The following RALGAPA1 variants were observed in gnomAD, a reference collection of about 807,000 sequenced individuals.
RALGAPA1 encodes the protein Ral GTPase activating protein catalytic subunit alpha 1, also known as ral GTPase-activating protein subunit alpha-1.
Under a neutral mutation model 269.6 loss-of-function variants are expected in RALGAPA1, and 52 were observed. The observed-to-expected ratio is 0.19, with a 90% CI of 0.15 to 0.24. The LOEUF is 0.24. RALGAPA1 is among the 10% of genes least tolerant of loss of function. The pLI is 1.00. For synonymous variants in RALGAPA1, 817 were observed against 1,008.3 expected, an observed-to-expected ratio of 0.81 and a Z score of 3.60; for missense variants, 1,917 against 3,013.9, an observed-to-expected ratio of 0.64 and a Z score of 8.52.
At chr14:35,548,620 T>C (rs919068583) in intron 40 of RALGAPA1, 82 bp from the exon 41 acceptor site, 9 of 923,110 alleles carry the variant, frequency 9.7e-6, no homozygotes, top group Non-Finnish European at 1.3e-5. Context: ...TTTATTTTCT[T>C]ACTGATTTCT....
chr14:35,782,503 G>A (rs931661339), intron 1 of RALGAPA1, among the ~76,000 whole-genome samples: 6 of 151,688 alleles, frequency 4.0e-5, no homozygotes, highest in Admixed American at 1.3e-4. Flanking sequence ...TCTCGATCTC[G>A]GCTCATTGCA....
chr14:35,610,865 T>C (rs771431956), intron 35 of RALGAPA1, among the ~76,000 whole-genome samples: 1 of 152,272 alleles, frequency 6.6e-6, no homozygotes, highest in African/African-American at 2.4e-5. Context: ...AAAAACAAAA[T>C]TTTAAAAATT....
chr14:35,641,033 C>G (rs1173657163), intron 31 of RALGAPA1, among the ~76,000 whole-genome samples: 4 of 152,044 alleles, frequency 2.6e-5, no homozygotes, highest in Non-Finnish European at 5.9e-5. Flanking sequence ...ATTCAACATC[C>G]CTTCATGATG....
At chr14:35,713,622 GA>G (rs1258330490) in intron 16 of RALGAPA1, among the ~76,000 whole-genome samples, 4 of 152,258 alleles carry the variant, frequency 2.6e-5, no homozygotes, top group Non-Finnish European at 5.9e-5. Context: ...AAGCAAAAGG[GA>G]AAAGTGAGAA....
chr14:35,778,485 CA>C (rs1363358463), intron 1 of RALGAPA1, among the ~76,000 whole-genome samples: 1 of 152,100 alleles, frequency 6.6e-6, no homozygotes, highest in African/African-American at 2.4e-5. Context: ...ATGGAAAGAA[CA>C]ATGTTTCAAA....
At chr14:35,603,708 A>C (rs939205912) in intron 36 of RALGAPA1, among the ~76,000 whole-genome samples, 2 of 152,158 alleles carry the variant, frequency 1.3e-5, no homozygotes, top group African/African-American at 2.4e-5. Context: ...GCATGGATAG[A>C]ATTGGAGGTC....
At chr14:35,671,043 A>G (rs1405661096) in intron 26 of RALGAPA1, among the ~76,000 whole-genome samples, 1 of 152,128 alleles carries the variant, frequency 6.6e-6, no homozygotes, top group Non-Finnish European at 1.5e-5. Flanking sequence ...GACAATATAT[A>G]TTCAGGGTGT....
chr14:35,541,610 C>T, intron 41 of RALGAPA1: 1 of 393,936 alleles, frequency 2.5e-6, no homozygotes, highest in Non-Finnish European at 5.0e-6. Context: ...GAATATGAAT[C>T]CATGACCCCC....
chr14:35,798,165 G>A (rs546965215), intron 1 of RALGAPA1, among the ~76,000 whole-genome samples: 7 of 144,242 alleles, frequency 4.9e-5, no homozygotes, highest in Non-Finnish European at 7.4e-5. Context: ...GAGCTAACAC[G>A]CTCGGCTTTT....
At position 35,683,957 on chromosome 14, in the gene RALGAPA1, A is replaced by T. The variant is rs146098813; in HGVS notation, c.4323T>A (p.Val1441=). Residue 1441 remains valine, a synonymous_variant, in exon 21 of 42, where the codon GTT becomes GTA. Transcript: ENST00000680220. ...CTGAATCCACATCAGCAGAGGACGT[A>T]ACCCCAGTGTCGGTTCCAAAGCCAA... ...DNFGFGTDTG[V]TSSADVDSGS... The T allele has an allele frequency of 3.7e-6, 6 of 1,612,450 alleles. No homozygotes were observed. In the African/African-American group the frequency reaches 8.0e-5, roughly 22 times the overall value.
intron 10 of RALGAPA1, among the ~76,000 whole-genome samples, chr14:35,746,812 AT>A (rs1185800283): frequency 1.3e-5 from 2 of 152,060 alleles, no homozygotes; most frequent in African/African-American, 2.4e-5. Flanking sequence ...AGGTCCTTGT[AT>A]TGATTAGGAA....
intron 36 of RALGAPA1, among the ~76,000 whole-genome samples, chr14:35,601,874 G>T (rs997246442): frequency 6.6e-6 from 1 of 152,032 alleles, no homozygotes; most frequent in Admixed American, 6.6e-5. Context: ...TGGATTTCAG[G>T]ATATTCACAG....
chr14:35,562,817 C>T (rs1173153426), intron 39 of RALGAPA1, among the ~76,000 whole-genome samples: 1 of 151,474 alleles, frequency 6.6e-6, no homozygotes, highest in African/African-American at 2.4e-5. Flanking sequence ...TTCAGGAGAT[C>T]GAGACCATCC....
chr14:35,660,467 C>G (rs1055688560), intron 27 of RALGAPA1, among the ~76,000 whole-genome samples: 6 of 151,866 alleles, frequency 4.0e-5, no homozygotes, highest in African/African-American at 1.2e-4. Context: ...AAGACCTGTA[C>G]GCGGAAAACT....
In RALGAPA1 at chr14:35,638,337, A is replaced by T. The variant is rs1347237473; in HGVS notation, c.5677-2739T>A. 3.3e-5 allele frequency among the ~76,000 whole-genome samples: 5 copies of T among 152,196 alleles called. No individual in the cohort carries two copies. The South Asian group carries it at 8.3e-4, about 25-fold the overall frequency. ...TAAAAAGCAGGGGGATTAAGTTAAT[A>T]TGTAGAGTTGTTATTAATTTTCTTT... On this transcript the variant is annotated intron_variant, in intron 31 of 41. Coordinates refer to ENST00000680220, the MANE Select transcript of RALGAPA1 (RefSeq NM_001346249.2).
At chr14:35,548,603 C>A (rs973292726) in intron 40 of RALGAPA1, 65 bp from the exon 41 acceptor site, 3 of 1,100,156 alleles carry the variant, frequency 2.7e-6, no homozygotes, top group South Asian at 1.5e-5. Context: ...AGGAAGGCCA[C>A]GAGTCATTTA....
intron 11 of RALGAPA1, 113 bp downstream of exon 11, chr14:35,742,255 A>G: frequency 1.2e-6 from 1 of 844,540 alleles, no homozygotes; most frequent in Non-Finnish European, 1.9e-6. Context: ...ATACTGAAAG[A>G]TATCTTTATC....
At chr14:35,610,573 C>T (rs10137790) in intron 35 of RALGAPA1, among the ~76,000 whole-genome samples, 20,161 of 152,074 alleles carry the variant, frequency 0.13, 2,271 homozygotes, top group East Asian at 0.31. Flanking sequence ...TGAGCCACTG[C>T]GCCTGGCCAA....
At chr14:35,762,637 G>T in intron 5 of RALGAPA1, 73 bp downstream of exon 5, 1 of 861,912 alleles carries the variant, frequency 1.2e-6, no homozygotes, top group South Asian at 1.4e-5. Context: ...GCTTAGGTAG[G>T]AAAAGTGTTA....
Sources: gnomAD v4.1 joint callset for allele counts (sites outside exome capture counted in the v4.1 genomes callset) on GRCh38, gnomAD v4.1.1 for gene constraint, MANE v1.5 for transcripts, NCBI Gene and HGNC (gene_info 2026-07-23, HGNC 2026-07-21) for gene names.